RASA2: variants seen among roughly 807,000 people sequenced by gnomAD.
RASA2 encodes RAS p21 protein activator 2, also known as ras GTPase-activating protein 2.
A neutral mutation model predicts 118.2 loss-of-function variants in RASA2; 155 were observed. The observed-to-expected ratio is 1.31, with a 90% confidence interval of 1.15 to 1.50. The LOEUF (loss-of-function observed/expected upper bound fraction) is 1.50. RASA2 is among the 40% of genes most tolerant of loss of function. The pLI, the probability that RASA2 is intolerant of heterozygous loss-of-function variation, is 0.00. For missense variants in RASA2, 1,016 were observed against 1,009.6 expected (o/e 1.01, Z -0.09); for synonymous variants, 353 against 349.1 (o/e 1.01, Z -0.12).
intron 3 of RASA2, among the ~76,000 whole-genome samples, chr3:141,519,507 A>G (rs1191122876): frequency 6.6e-6 from 1 of 152,174 alleles, no homozygotes; most frequent in African/African-American, 2.4e-5. Context: ...TTTGTCAGCT[A>G]TATACATACC....
At chr3:141,604,659 A>G (rs1296304988) in intron 19 of RASA2, among the ~76,000 whole-genome samples, 1 of 149,206 alleles carries the variant, frequency 6.7e-6, no homozygotes, top group Non-Finnish European at 1.5e-5. Context: ...TCCTGGATTC[A>G]TTATTATTTT....
chr3:141,496,476 A>G (rs1275994035), intron 1 of RASA2, among the ~76,000 whole-genome samples: 1 of 152,144 alleles, frequency 6.6e-6, no homozygotes, highest in Non-Finnish European at 1.5e-5. Context: ...TTACAAGAAA[A>G]AAACAACCCC....
intron 9 of RASA2, among the ~76,000 whole-genome samples, chr3:141,560,643 C>G (rs2082717113): frequency 1.3e-5 from 2 of 152,022 alleles, no homozygotes; most frequent in Non-Finnish European, 2.9e-5. Flanking sequence ...GAGCTAGTTT[C>G]CTTAGCAGAA....
intron 15 of RASA2, among the ~76,000 whole-genome samples, chr3:141,580,067 AAGAAAAAAAAAAAAAAAAAT>A (rs1236608046): frequency 1.1e-5 from 1 of 93,206 alleles, no homozygotes; most frequent in East Asian, 5.0e-4. Flanking sequence ...GGAAAAAAAA[AAGAAAAAAAAAAAAAAAAAT>A]ATATATATAT....
At chr3:141,609,148 A>G (rs986933532) in intron 21 of RASA2, among the ~76,000 whole-genome samples, 5 of 152,350 alleles carry the variant, frequency 3.3e-5, no homozygotes, top group East Asian at 1.9e-4. Flanking sequence ...TTGTATTTCT[A>G]TAGACTTAAG....
At chr3:141,491,504 C>G (rs921210521) in intron 1 of RASA2, among the ~76,000 whole-genome samples, 14 of 152,054 alleles carry the variant, frequency 9.2e-5, no homozygotes, top group Admixed American at 2.0e-4. Flanking sequence ...AGCACAATGC[C>G]TAGAACAGAA....
At chr3:141,580,969 C>G (rs1025082574) in intron 16 of RASA2, 131 bp from the exon 17 acceptor site, 1 of 987,236 alleles carries the variant, frequency 1.0e-6, no homozygotes, top group African/African-American at 1.7e-5. Context: ...GTCTTCCACT[C>G]CAAGCCCTGA....
At chr3:141,554,720 T>G (rs542463262) in intron 6 of RASA2, among the ~76,000 whole-genome samples, 2 of 152,178 alleles carry the variant, frequency 1.3e-5, no homozygotes, top group Non-Finnish European at 2.9e-5. Flanking sequence ...TAAGTCACTT[T>G]GAAAAATGTA....
At chr3:141,524,790 C>T (rs2082162213) in intron 3 of RASA2, among the ~76,000 whole-genome samples, 2 of 152,020 alleles carry the variant, frequency 1.3e-5, no homozygotes, top group East Asian at 1.9e-4. Context: ...GGGGTTTCAC[C>T]GTGTTGCCCA....
intron 5 of RASA2, 68 bp downstream of exon 5, chr3:141,540,677 C>G (rs2082393573): frequency 2.2e-6 from 3 of 1,342,276 alleles, no homozygotes; most frequent in Non-Finnish European, 3.1e-6. Flanking sequence ...CGATTTTAAG[C>G]CAACTCCTTG....
intron 17 of RASA2, among the ~76,000 whole-genome samples, chr3:141,583,689 C>T (rs2083153268): frequency 6.6e-6 from 1 of 152,156 alleles, no homozygotes; most frequent in South Asian, 2.1e-4. Context: ...GTAAACATTC[C>T]ATTTCAAAAC....
At chr3:141,561,272 G>A (rs1313403415) in intron 9 of RASA2, among the ~76,000 whole-genome samples, 1 of 152,152 alleles carries the variant, frequency 6.6e-6, no homozygotes, top group Non-Finnish European at 1.5e-5. Flanking sequence ...AGAAAAACAC[G>A]TTGTAGTGCC....
intron 19 of RASA2, among the ~76,000 whole-genome samples, chr3:141,601,176 T>A (rs2083456792): frequency 6.6e-6 from 1 of 152,196 alleles, no homozygotes; most frequent in Admixed American, 6.5e-5. Flanking sequence ...ACCTGTACCC[T>A]AGCACTTTGA....
intron 5 of RASA2, among the ~76,000 whole-genome samples, chr3:141,551,421 C>A (rs1203709233): frequency 6.6e-6 from 1 of 152,100 alleles, no homozygotes; most frequent in Non-Finnish European, 1.5e-5. Context: ...TGGTTCTTTC[C>A]CCAGCCTCAG....
intron 19 of RASA2, among the ~76,000 whole-genome samples, chr3:141,592,004 A>G (rs2083291942): frequency 6.6e-6 from 1 of 152,150 alleles, no homozygotes; most frequent in Admixed American, 6.5e-5. Context: ...CTGGAGAGAA[A>G]AATAGTAAAC....
At position 141,514,734 on chromosome 3, in the gene RASA2, G is replaced by C. The variant is rs1052079156; in HGVS notation, c.252-1594G>C. 4.1e-4 allele frequency among the ~76,000 whole-genome samples: 63 copies of C among 152,190 alleles called. 1 individual carries two copies. Among genetic ancestry groups the C allele is most frequent in the African/African-American group, 1.5e-3 (62 of 41,448 alleles). ...AAAGCTTTATATAAGAATGTTCATA[G>C]CAGCTTTACTTTTGATAGCCCAAAC... On this transcript the variant is annotated intron_variant, in intron 2 of 23. Transcript: ENST00000286364.
intron 19 of RASA2, among the ~76,000 whole-genome samples, chr3:141,601,668 TTGG>T (rs1297560462): frequency 9.2e-5 from 14 of 152,218 alleles, no homozygotes; most frequent in Admixed American, 4.6e-4. Context: ...AATGTATTAC[TTGG>T]TGGTTGAAAT....
At chr3:141,592,613 A>T (rs78783486) in intron 19 of RASA2, among the ~76,000 whole-genome samples, 2,036 of 152,330 alleles carry the variant, frequency 0.013, 60 homozygotes, top group African/African-American at 0.046. Context: ...CTACTAAAAT[A>T]TTCTAGAGGA....
intron 6 of RASA2, among the ~76,000 whole-genome samples, chr3:141,555,212 A>C (rs1300484222): frequency 2.0e-5 from 3 of 152,174 alleles, no homozygotes; most frequent in Non-Finnish European, 4.4e-5. Context: ...GTGAACCGAG[A>C]TTGTGCCATT....
Sources: gnomAD v4.1 joint callset for allele counts (sites outside exome capture counted in the v4.1 genomes callset) on GRCh38, gnomAD v4.1.1 for gene constraint, MANE v1.5 for transcripts, NCBI Gene and HGNC (gene_info 2026-07-23, HGNC 2026-07-21) for gene names.